The following RPH3AL variants were observed in gnomAD, a reference collection of about 807,000 sequenced individuals.
RPH3AL encodes rab effector Noc2.
Under a neutral mutation model 43.1 loss-of-function variants are expected in RPH3AL, and 38 were observed. The observed-to-expected ratio is 0.88, with a 90% confidence interval of 0.68 to 1.15. RPH3AL has a LOEUF of 1.15. Ranked by LOEUF, RPH3AL falls within the 50% of genes most tolerant of loss-of-function variation. RPH3AL has a pLI of 0.00. For synonymous variants in RPH3AL, 189 were observed against 176.3 expected (o/e 1.07, Z -0.57); for missense variants, 462 against 423.2 (o/e 1.09, Z -0.81).
chr17:216,526 C>T (rs1392923287), intron 8 of RPH3AL, among the ~76,000 whole-genome samples: 2 of 152,122 alleles, frequency 1.3e-5, no homozygotes, highest in East Asian at 3.9e-4. Context: ...CTTTGCTGAA[C>T]TTCTCTTGTC....
rs934830912 is a variant in RPH3AL, at chr17:344,856, A to G, written c.-213+7856T>C. ...CATCATCCTCTTCTGTATTGGGGGA[A>G]ATGCCCAGAGGGGCTCATATCTGGG... On this transcript the variant is annotated intron_variant, in intron 1 of 9. Transcript: ENST00000331302. Among the ~76,000 whole-genome samples, 24 of 135,982 alleles carry G rather than the reference A, an allele frequency of 1.8e-4. 3 individuals are homozygous for G. Among genetic ancestry groups the G allele is most frequent in the African/African-American group, 5.5e-4 (22 of 39,700 alleles). 89.2% of individuals were successfully genotyped at this position (135,982 alleles called of 152,430 possible).
rs1021763454 is a variant in RPH3AL, at chr17:246,587, G to A, written c.613+524C>T. 6.6e-6 allele frequency among the ~76,000 whole-genome samples: 1 copy of A among 151,884 alleles called. No homozygotes were observed. The highest frequency in any genetic ancestry group is 2.4e-5 in the African/African-American group (1 of 41,320). Reference sequence around the variant, plus strand: ...CGGTCCACAACCAGGCGCCCCCATCGTTGCCAAGTGGGGCGGCCACCTGAG... The same window carrying A: ...CGGTCCACAACCAGGCGCCCCCATCATTGCCAAGTGGGGCGGCCACCTGAG... On this transcript the variant is annotated intron_variant, in intron 7 of 9. Coordinates refer to ENST00000331302, the MANE Select transcript of RPH3AL (RefSeq NM_006987.4). This position sits in a 1 kb window ranked among gnomAD's most constrained non-coding sequence, Gnocchi z 4.8.
intron 5 of RPH3AL, among the ~76,000 whole-genome samples, chr17:317,938 C>A (rs1324362469): frequency 1.3e-5 from 2 of 151,396 alleles, no homozygotes; most frequent in Non-Finnish European, 2.9e-5. Context: ...ATCCTCCACC[C>A]TCCACCCTCT....
In RPH3AL at chr17:352,756, G is replaced by A. The variant is rs1022952218; in HGVS notation, c.-257C>T. ...CCCAGACAGGCCCCACCAGGGAGGA[G>A]GAGGCCGCTCTCCCTCCCACCACCG... On this transcript the variant is annotated 5_prime_UTR_variant, in exon 1 of 10. Transcript: ENST00000331302. The A allele has an allele frequency of 2.0e-5, 3 of 152,242 alleles. No individual in the cohort carries two copies. The highest frequency in any genetic ancestry group is 7.2e-5 in the African/African-American group (3 of 41,458). 9.4% of individuals were successfully genotyped at this position (152,242 alleles called of 1,614,324 possible).
chr17:238,801 T>G (rs1451413686), intron 7 of RPH3AL, among the ~76,000 whole-genome samples: 6 of 152,184 alleles, frequency 3.9e-5, no homozygotes, highest in Admixed American at 3.9e-4. Context: ...AAGAAGCCTG[T>G]GGAGGGGATG....
chr17:321,593 GCAA>G (rs2044477582), intron 3 of RPH3AL, 178 bp from the exon 4 acceptor site: 3 of 533,092 alleles, frequency 5.6e-6, no homozygotes, highest in South Asian at 3.1e-5. Context: ...GGCCCAGGTG[GCAA>G]CAGAGACGGC....
chr17:314,188 G>A (rs1308313022), intron 5 of RPH3AL, among the ~76,000 whole-genome samples: 1 of 152,144 alleles, frequency 6.6e-6, no homozygotes, highest in Admixed American at 6.5e-5. Context: ...ACTGTCCCAG[G>A]GGAAGTGGGC....
Position 322,098 on chromosome 17 carries a change from G to A in RPH3AL, c.78-683C>T, listed in dbSNP as rs183143565. ...CGGGGGGGAAGCGAGTTACAGAAGAGGAGCCGTGGTGAGGGCAGGTGAGGG... is the reference window on the plus strand; with the variant it reads ...CGGGGGGGAAGCGAGTTACAGAAGAAGAGCCGTGGTGAGGGCAGGTGAGGG... On this transcript the variant is annotated intron_variant, in intron 3 of 9. Transcript: ENST00000331302. This position sits in a 1 kb window ranked among gnomAD's most constrained non-coding sequence, Gnocchi z 4.0. 6.8e-4 allele frequency among the ~76,000 whole-genome samples: 103 copies of A among 152,306 alleles called. 1 individual carries two copies. The East Asian group carries it at 0.018, about 26-fold the overall frequency.
chr17:267,793 A>G (rs1277921377), intron 6 of RPH3AL, among the ~76,000 whole-genome samples: 1 of 151,832 alleles, frequency 6.6e-6, no homozygotes, highest in African/African-American at 2.4e-5. Flanking sequence ...GGGAGATCCT[A>G]CAGGTCTCTC....
intron 6 of RPH3AL, among the ~76,000 whole-genome samples, chr17:248,888 T>C (rs1221868346): frequency 2.0e-5 from 3 of 152,210 alleles, no homozygotes; most frequent in Non-Finnish European, 4.4e-5. Flanking sequence ...AGATGCCACC[T>C]GCCTGCCTCC....
At position 327,513 on chromosome 17, in the gene RPH3AL, C is replaced by G. The variant is rs993022792; in HGVS notation, c.31G>C (p.Asp11His). 6.2e-7 allele frequency: 1 copy of G among 1,614,004 alleles called. No homozygotes were observed. The change falls in exon 3 of 10, where the codon GAT (aspartate) becomes CAT (histidine). Residue 11 changes from aspartate to histidine, a missense_variant. Coordinates refer to ENST00000331302, the MANE Select transcript of RPH3AL (RefSeq NM_006987.4). Reference sequence around the variant, plus strand: ...CGGTCATTGGGGCAAACCCACTGATCATTCCCGCTGCCGAAGATGGTGTCG... The same window carrying G: ...CGGTCATTGGGGCAAACCCACTGATGATTCCCGCTGCCGAAGATGGTGTCG... MADTIFGSGN[D>H]QWVCPNDRQL...
intron 5 of RPH3AL, among the ~76,000 whole-genome samples, chr17:302,904 G>A (rs960045075): frequency 1.3e-5 from 2 of 152,230 alleles, no homozygotes; most frequent in Admixed American, 6.5e-5. Context: ...GTGGGAGAAG[G>A]ACAAACACCC....
intron 9 of RPH3AL, chr17:214,834 G>A (rs936449243): frequency 2.0e-5 from 3 of 152,390 alleles, no homozygotes; most frequent in Non-Finnish European, 4.4e-5. Flanking sequence ...ACATGGCTGT[G>A]GGTGGCAGGG....
intron 6 of RPH3AL, among the ~76,000 whole-genome samples, chr17:259,874 CATG>C (rs1171256774): frequency 6.6e-6 from 1 of 152,204 alleles, no homozygotes; most frequent in Non-Finnish European, 1.5e-5. Flanking sequence ...TTTTAATTAC[CATG>C]ATAACAATTG....
intron 5 of RPH3AL, among the ~76,000 whole-genome samples, chr17:286,843 A>ATG (rs2042925064): frequency 2.0e-5 from 3 of 152,012 alleles, no homozygotes; most frequent in South Asian, 2.1e-4. Flanking sequence ...TCCGGGTGTT[A>ATG]AACGATGAAG....
chr17:267,454 C>T (rs1196220317), intron 6 of RPH3AL, among the ~76,000 whole-genome samples: 1 of 152,224 alleles, frequency 6.6e-6, no homozygotes, highest in Non-Finnish European at 1.5e-5. Context: ...CAGGTCTTTT[C>T]AGACGAGCGT....
rs1427516165 is a variant in RPH3AL, at chr17:323,715, G to A, written c.78-2300C>T. ...CACCACTGCCTGTCCTGATGGACAC[G>A]GGTCCCACGAGCTTGTTCTGGGGCT... On this transcript the variant is annotated intron_variant, in intron 3 of 9. Transcript: ENST00000331302. This position sits in a 1 kb window ranked among gnomAD's most constrained non-coding sequence, Gnocchi z 4.4. 6.6e-6 allele frequency among the ~76,000 whole-genome samples: 1 copy of A among 152,192 alleles called. No homozygotes were observed.
chr17:316,681 T>A (rs2044223757), intron 5 of RPH3AL, among the ~76,000 whole-genome samples: 1 of 137,308 alleles, frequency 7.3e-6, no homozygotes, highest in Non-Finnish European at 1.6e-5. Context: ...TGACCTGCAG[T>A]CCCTGTGCCC....
At chr17:250,284 T>C (rs2041866291) in intron 6 of RPH3AL, among the ~76,000 whole-genome samples, 1 of 97,374 alleles carries the variant, frequency 1.0e-5, no homozygotes, top group African/African-American at 4.1e-5. Flanking sequence ...TCAGAGCCTT[T>C]ACCAAGCTCC....
Sources: allele counts gnomAD v4.1 joint callset (sites outside exome capture counted in the v4.1 genomes callset), GRCh38; gene constraint gnomAD v4.1.1; non-coding constraint Gnocchi (gnomAD v3.1); transcripts MANE v1.5; gene names NCBI Gene and HGNC (gene_info 2026-07-23, HGNC 2026-07-21).